RNF10: variants seen among roughly 807,000 people sequenced by gnomAD.
RNF10 encodes ring finger protein 10, also known as E3 ubiquitin-protein ligase RNF10.
A neutral mutation model predicts 91.4 loss-of-function variants in RNF10; 38 were observed. The ratio of observed to expected loss-of-function variants is 0.42; its 90% CI spans 0.32 to 0.54. The LOEUF is 0.54. Among genes scored for constraint, RNF10 ranks in the 20% least tolerant of loss-of-function variants. The pLI, the probability that RNF10 is intolerant of heterozygous loss-of-function variation, is 0.16. For synonymous variants in RNF10, 364 were observed against 366.3 expected, an observed-to-expected ratio of 0.99 and a Z score of 0.07; for missense variants, 945 against 1,012.0, an observed-to-expected ratio of 0.93 and a Z score of 0.90.
At chr12:120,555,899 A>T (rs1593081144) in intron 4 of RNF10, among the ~76,000 whole-genome samples, 1 of 150,124 alleles carries the variant, frequency 6.7e-6, no homozygotes, top group Non-Finnish European at 1.5e-5. Context: ...AGCAATTCTC[A>T]TGCCTCAGCC....
chr12:120,541,068 G>T (rs1165226648), intron 1 of RNF10, among the ~76,000 whole-genome samples: 1 of 152,110 alleles, frequency 6.6e-6, no homozygotes, highest in East Asian at 1.9e-4. Context: ...TGTTGGTCAG[G>T]CTGGTCTCGA....
In RNF10 at chr12:120,560,716, A is replaced by G. The variant is rs1419160255; in HGVS notation, c.968-10A>G. On this transcript the variant is annotated splice_polypyrimidine_tract_variant and intron_variant, in intron 6 of 16. Transcript: ENST00000325954. ...GTTGCATTTCTTTGATCTTGCTGGCATTCTTATAGATGAACAGCACAGCCA... is the reference window on the plus strand; with the variant it reads ...GTTGCATTTCTTTGATCTTGCTGGCGTTCTTATAGATGAACAGCACAGCCA... 1.9e-6 allele frequency: 3 copies of G among 1,605,514 alleles called. No individual in the cohort carries two copies. In the Admixed American group the frequency reaches 5.0e-5, roughly 27 times the overall value.
rs1870460604 is a variant in RNF10, at chr12:120,534,667, C to T, written c.-145C>T. 1.5e-6 allele frequency: 2 copies of T among 1,372,888 alleles called. No homozygotes were observed. The highest frequency in any genetic ancestry group is 7.8e-5 in the Admixed American group (2 of 25,608). The allele number at this position is 1,372,888 out of a possible 1,614,324, so 85.0% of individuals were successfully genotyped here. A position where few individuals can be genotyped will look rare whatever the true frequency, so the allele number is the denominator to read the frequency against. On this transcript the variant is annotated 5_prime_UTR_variant, in exon 1 of 17. Coordinates refer to ENST00000325954, the MANE Select transcript of RNF10 (RefSeq NM_014868.5). Reference sequence around the variant, plus strand: ...CCGCTTCTCTTCCTAGTTTGAGAAGCCAAGGAAGGAAACAGGGAAAAATGT... The same window carrying T: ...CCGCTTCTCTTCCTAGTTTGAGAAGTCAAGGAAGGAAACAGGGAAAAATGT...
chr12:120,540,670 C>G (rs887695304), intron 1 of RNF10, among the ~76,000 whole-genome samples: 1 of 152,090 alleles, frequency 6.6e-6, no homozygotes, highest in Admixed American at 6.6e-5. Context: ...AGACGAGAAA[C>G]GAGTTGATTT....
At chr12:120,539,869 T>C in intron 1 of RNF10, among the ~76,000 whole-genome samples, 1 of 151,910 alleles carries the variant, frequency 6.6e-6, no homozygotes. Context: ...ACAGTCTTGC[T>C]CTGTCACCCA....
chr12:120,546,364 A>G (rs1872335227), intron 1 of RNF10, 41 bp from the exon 2 acceptor site: 1 of 1,577,796 alleles, frequency 6.3e-7, no homozygotes, highest in Non-Finnish European at 8.6e-7. Flanking sequence ...AAGTGAATGT[A>G]TCAGCTTCTT....
At chr12:120,573,611 C>T (rs536388702) in intron 14 of RNF10, among the ~76,000 whole-genome samples, 2 of 151,184 alleles carry the variant, frequency 1.3e-5, no homozygotes, top group South Asian at 4.2e-4. Context: ...GTTTATTTGG[C>T]TCATGACTCT....
intron 1 of RNF10, among the ~76,000 whole-genome samples, chr12:120,537,709 G>C (rs1404752539): frequency 6.6e-6 from 1 of 152,142 alleles, no homozygotes; most frequent in African/African-American, 2.4e-5. Context: ...GTGTGTGTTA[G>C]AAAGCTTGAC....
chr12:120,543,182 A>AT (rs1871818510), intron 1 of RNF10, among the ~76,000 whole-genome samples: 2 of 152,244 alleles, frequency 1.3e-5, no homozygotes, highest in South Asian at 4.1e-4. Flanking sequence ...CCAAGAAATA[A>AT]TTTTTTCTAA....
chr12:120,556,253 C>T (rs1201916030), intron 4 of RNF10, among the ~76,000 whole-genome samples: 1 of 151,760 alleles, frequency 6.6e-6, no homozygotes, highest in Admixed American at 6.6e-5. Flanking sequence ...CTTGAACTCT[C>T]GCCGGGCGCG....
Position 120,563,337 on chromosome 12 carries a change from G to A in RNF10, c.1255-10G>A. On this transcript the variant is annotated splice_polypyrimidine_tract_variant and intron_variant, in intron 8 of 16. Coordinates refer to ENST00000325954, the MANE Select transcript of RNF10 (RefSeq NM_014868.5). Reference sequence around the variant, plus strand: ...TATCCTTTCTGTTGACTTAGAGTTTGCTGCAACAGGGTGTGCTGGAGTATC... The same window carrying A: ...TATCCTTTCTGTTGACTTAGAGTTTACTGCAACAGGGTGTGCTGGAGTATC... 1 of 1,600,108 alleles carries A rather than the reference G, an allele frequency of 6.2e-7. No individual in the cohort carries two copies. Among genetic ancestry groups the A allele is most frequent in the Non-Finnish European group, 8.5e-7 (1 of 1,174,464 alleles).
intron 10 of RNF10, among the ~76,000 whole-genome samples, chr12:120,564,630 C>G (rs1875400287): frequency 6.6e-6 from 1 of 152,170 alleles, no homozygotes; most frequent in Admixed American, 6.5e-5. Flanking sequence ...GCTTCATTTT[C>G]TACTATTTCA....
intron 1 of RNF10, among the ~76,000 whole-genome samples, chr12:120,536,820 C>T (rs545875246): frequency 2.5e-4 from 38 of 152,296 alleles, no homozygotes; most frequent in African/African-American, 8.7e-4. Context: ...CTCTTTAAGC[C>T]ACTAACATAC....
intron 3 of RNF10, 31 bp from the exon 4 acceptor site, chr12:120,554,687 T>A (rs1258931657): frequency 1.3e-6 from 2 of 1,517,514 alleles, no homozygotes; most frequent in African/African-American, 2.7e-5. Context: ...ATCCTGACAG[T>A]CTAGCTTTTT....
At chr12:120,559,990 G>T (rs1194272578) in intron 6 of RNF10, among the ~76,000 whole-genome samples, 1 of 151,612 alleles carries the variant, frequency 6.6e-6, no homozygotes, top group Non-Finnish European at 1.5e-5. Flanking sequence ...CACCCAGCTG[G>T]CTTGGTCTTA....
chr12:120,552,430 T>G, intron 2 of RNF10, 69 bp from the exon 3 acceptor site: 1 of 1,374,752 alleles, frequency 7.3e-7, no homozygotes, highest in East Asian at 2.3e-5. Flanking sequence ...AGGAGGGTTT[T>G]TTTTGGGTTT....
At chr12:120,548,537 A>G (rs1872618299) in intron 2 of RNF10, among the ~76,000 whole-genome samples, 1 of 152,190 alleles carries the variant, frequency 6.6e-6, no homozygotes, top group African/African-American at 2.4e-5. Context: ...TGGAGAGAAT[A>G]GGAGGATGGG....
At chr12:120,553,433 T>C in intron 3 of RNF10, among the ~76,000 whole-genome samples, 2 of 141,566 alleles carry the variant, frequency 1.4e-5, no homozygotes, top group East Asian at 2.1e-4. Context: ...GACAAAGTCT[T>C]GCTCTGTCAC....
intron 1 of RNF10, 107 bp from the exon 2 acceptor site, chr12:120,546,298 T>C (rs1184087332): frequency 1.1e-6 from 1 of 910,180 alleles, no homozygotes; most frequent in Admixed American, 2.5e-5. Flanking sequence ...TTCCTGAAGG[T>C]GGTCAAAGGG....
Sources: gnomAD v4.1 joint callset for allele counts (sites outside exome capture counted in the v4.1 genomes callset) on GRCh38, gnomAD v4.1.1 for gene constraint, MANE v1.5 for transcripts, NCBI Gene and HGNC (gene_info 2026-07-23, HGNC 2026-07-21) for gene names.